The following ABHD3 variants were observed in gnomAD, a reference collection of about 807,000 sequenced individuals.
ABHD3 encodes the protein abhydrolase domain containing 3, phospholipase.
A neutral mutation model predicts 48.8 loss-of-function variants in ABHD3; 46 were observed. The ratio of observed to expected loss-of-function variants is 0.94; its 90% CI spans 0.74 to 1.20. The LOEUF (loss-of-function observed/expected upper bound fraction) is 1.20. Ranked by LOEUF, ABHD3 falls within the 50% of genes most tolerant of loss-of-function variation. The pLI is 0.00. For missense variants in ABHD3, 490 were observed against 497.8 expected (o/e 0.98, Z 0.15); for synonymous variants, 192 against 183.7 (o/e 1.04, Z -0.36).
chr18:21,685,976 G>A (rs946087103), intron 3 of ABHD3, among the ~76,000 whole-genome samples: 9 of 152,232 alleles, frequency 5.9e-5, no homozygotes, highest in Non-Finnish European at 1.3e-4. Flanking sequence ...GGGATTACAG[G>A]CGTGAGCCAC....
chr18:21,678,784 A>G (rs1225564314), intron 4 of ABHD3, among the ~76,000 whole-genome samples: 1 of 152,110 alleles, frequency 6.6e-6, no homozygotes, highest in Non-Finnish European at 1.5e-5. Context: ...GGTTTGCTCT[A>G]CTGAGACTAG....
chr18:21,680,253 T>C (rs1420382416), intron 4 of ABHD3, among the ~76,000 whole-genome samples: 1 of 152,084 alleles, frequency 6.6e-6, no homozygotes, highest in Non-Finnish European at 1.5e-5. Context: ...TGGCCTCAAG[T>C]GATGCACCCG....
chr18:21,667,098 A>AG (rs56952041), intron 4 of ABHD3, among the ~76,000 whole-genome samples: 75,972 of 149,792 alleles, frequency 0.51, 22,346 homozygotes, highest in African/African-American at 0.81. Flanking sequence ...TTTTTGAGAC[A>AG]AGTCTCGCTC....
rs1349069175 is a variant in ABHD3 at position 21,683,467 on chromosome 18, A to T, written c.555+453T>A. On this transcript the variant is annotated intron_variant, in intron 4 of 8. Transcript: ENST00000289119. Reference sequence around the variant, plus strand: ...TAAGTGGAAAAAAAATCACTGTATTAGTTAATTTGTTTTGCACTGGTTAAT... The same window carrying T: ...TAAGTGGAAAAAAAATCACTGTATTTGTTAATTTGTTTTGCACTGGTTAAT... 4 of 461,884 alleles carry T rather than the reference A, an allele frequency of 8.7e-6. 1 individual carries two copies. Among genetic ancestry groups the T allele is most frequent in the Non-Finnish European group, 1.8e-5 (4 of 225,034 alleles). The allele number at this position is 461,884 out of a possible 1,614,324, so 28.6% of individuals were successfully genotyped here.
At chr18:21,702,554 A>ATTTTG (rs61602023) in intron 2 of ABHD3, 56 bp from the exon 3 acceptor site, 520,933 of 1,374,630 alleles carry the variant, frequency 0.38, 111,612 homozygotes, top group African/African-American at 0.88. Flanking sequence ...TCATGTCTTA[A>ATTTTG]TTTTAATTCT....
At chr18:21,690,026 T>C (rs76668638) in intron 3 of ABHD3, among the ~76,000 whole-genome samples, 3,737 of 151,832 alleles carry the variant, frequency 0.025, 161 homozygotes, top group African/African-American at 0.086. Context: ...GGTCCCGAGA[T>C]TGTCCAGATG....
chr18:21,663,886 T>G (rs2039559822), intron 5 of ABHD3: 1 of 1,444,554 alleles, frequency 6.9e-7, no homozygotes, highest in African/African-American at 1.4e-5. Context: ...ACCTTCAGGC[T>G]CACAAAATCC....
chr18:21,695,048 T>C (rs1314951004), intron 3 of ABHD3, among the ~76,000 whole-genome samples: 1 of 152,182 alleles, frequency 6.6e-6, no homozygotes, highest in Non-Finnish European at 1.5e-5. Context: ...TCTTTTTTTT[T>C]TGAGATGGAG....
chr18:21,704,359 G>C (rs112558532), intron 1 of ABHD3, 145 bp downstream of exon 1: 1 of 899,122 alleles, frequency 1.1e-6, no homozygotes, highest in East Asian at 3.8e-5. Flanking sequence ...TGGCTTTCCC[G>C]CGCGCGCTGG....
chr18:21,678,138 A>C (rs149086536), intron 4 of ABHD3, among the ~76,000 whole-genome samples: 68 of 151,532 alleles, frequency 4.5e-4, no homozygotes, highest in Middle Eastern at 6.9e-3. Flanking sequence ...TTGTTTTTGT[A>C]GAGACAAGAT....
intron 6 of ABHD3, among the ~76,000 whole-genome samples, chr18:21,658,916 G>A (rs2039417855): frequency 6.8e-6 from 1 of 147,940 alleles, no homozygotes; most frequent in African/African-American, 2.5e-5. Context: ...TCGGCTTACT[G>A]CAACCTCCGC....
intron 3 of ABHD3, among the ~76,000 whole-genome samples, chr18:21,692,978 C>G (rs145193069): frequency 2.6e-4 from 40 of 152,350 alleles, no homozygotes; most frequent in African/African-American, 9.4e-4. Context: ...GATTACAGGA[C>G]AATGTCGATT....
In ABHD3 at chr18:21,656,920, G is replaced by A; in HGVS notation, c.998C>T (p.Ser333Leu). Residue 333 changes from serine (S) to leucine (L), a missense_variant, in exon 8 of 9, where the codon TCA becomes TTA. By Grantham distance (145) the Ser-to-Leu change is moderately radical. Transcript: ENST00000289119. ...TDASPSPRLKSVGIPVLCLNS... is the reference protein window; with the variant it reads ...TDASPSPRLKLVGIPVLCLNS... ...TAGACACAATACTGGAATTCCTACT[G>A]ACTTCAGTCTAGGACTCGGACTGGC... The A allele has an allele frequency of 6.2e-7, 1 of 1,613,672 alleles. No individual in the cohort carries two copies. The highest frequency in any genetic ancestry group is 8.5e-7 in the Non-Finnish European group (1 of 1,179,716).
At chr18:21,669,274 C>T (rs931543749) in intron 4 of ABHD3, among the ~76,000 whole-genome samples, 1 of 152,058 alleles carries the variant, frequency 6.6e-6, no homozygotes, top group Non-Finnish European at 1.5e-5. Flanking sequence ...TGGTAAAGAT[C>T]GACAGTTTCC....
At chr18:21,702,643 A>G (rs2040539287) in intron 2 of ABHD3, 145 bp from the exon 3 acceptor site, 1 of 652,422 alleles carries the variant, frequency 1.5e-6, no homozygotes, top group Non-Finnish European at 2.4e-6. Flanking sequence ...CTCGATCTAC[A>G]TATCATTTTC....
At chr18:21,665,249 A>T (rs1016223342) in intron 4 of ABHD3, among the ~76,000 whole-genome samples, 1 of 151,566 alleles carries the variant, frequency 6.6e-6, no homozygotes, top group African/African-American at 2.4e-5. Context: ...CTGGCCAAAA[A>T]AAATTTTTTT....
chr18:21,658,161 C>T (rs1404152047), intron 6 of ABHD3, among the ~76,000 whole-genome samples: 2 of 151,538 alleles, frequency 1.3e-5, no homozygotes, highest in African/African-American at 2.4e-5. Context: ...CACACCACTG[C>T]ACTCAAGCCT....
chr18:21,690,003 A>G (rs1431437628), intron 3 of ABHD3, among the ~76,000 whole-genome samples: 4 of 152,016 alleles, frequency 2.6e-5, no homozygotes, highest in African/African-American at 4.8e-5. Context: ...CACACTCAAG[A>G]GATAACCTAA....
chr18:21,675,728 A>G (rs893939532), intron 4 of ABHD3, among the ~76,000 whole-genome samples: 1 of 152,202 alleles, frequency 6.6e-6, no homozygotes, highest in African/African-American at 2.4e-5. Context: ...AAGTCAGCTT[A>G]TCTAAAAAGT....
Sources: gnomAD v4.1 joint callset for allele counts (sites outside exome capture counted in the v4.1 genomes callset) on GRCh38, gnomAD v4.1.1 for gene constraint, MANE v1.5 for transcripts, NCBI Gene and HGNC (gene_info 2026-07-23, HGNC 2026-07-21) for gene names.